The following CYFIP2 variants were observed in gnomAD, a reference collection of about 807,000 sequenced individuals.
The protein encoded by CYFIP2 is cytoplasmic FMR1 interacting protein 2, also known as cytoplasmic FMR1-interacting protein 2.
CYFIP2 carries 29 observed loss-of-function variants against 158.7 expected under a neutral mutation model. That is an observed-to-expected ratio of 0.18 (90% CI 0.14 to 0.25). The LOEUF (loss-of-function observed/expected upper bound fraction) is 0.25. CYFIP2 is among the 10% of genes least tolerant of loss of function. CYFIP2 has a pLI of 1.00. For synonymous variants in CYFIP2, 585 were observed against 617.6 expected, an observed-to-expected ratio of 0.95 and a Z score of 0.78; for missense variants, 852 against 1,639.5, an observed-to-expected ratio of 0.52 and a Z score of 8.29.
chr5:157,353,937 A>T (rs539391671), intron 23 of CYFIP2, among the ~76,000 whole-genome samples: 95 of 152,306 alleles, frequency 6.2e-4, no homozygotes, highest in Non-Finnish European at 1.0e-3. Context: ...TTACCATCTG[A>T]TGAGATAGAG....
intron 9 of CYFIP2, 97 bp downstream of exon 9, chr5:157,307,962 G>T: frequency 1.4e-6 from 1 of 704,472 alleles, no homozygotes; most frequent in Non-Finnish European, 2.5e-6. Context: ...AAACTGTCAG[G>T]TTTTTTTAAT....
chr5:157,296,820 C>T, intron 5 of CYFIP2, 46 bp downstream of exon 5: 1 of 1,490,754 alleles, frequency 6.7e-7, no homozygotes, highest in Non-Finnish European at 9.3e-7. Flanking sequence ...TGAAAAGGCC[C>T]CTAGTTTTCT....
chr5:157,292,391 G>C (rs372921164), intron 3 of CYFIP2, among the ~76,000 whole-genome samples: 4 of 151,994 alleles, frequency 2.6e-5, no homozygotes, highest in Admixed American at 1.3e-4. Flanking sequence ...GGCTAACTTT[G>C]TATTTTTAGT....
intron 23 of CYFIP2, among the ~76,000 whole-genome samples, chr5:157,355,089 A>G (rs13158212): frequency 0.47 from 71,082 of 151,844 alleles, 18,363 homozygotes; most frequent in African/African-American, 0.71. Flanking sequence ...AGTGAGGAGG[A>G]ACTCCACCCA....
At chr5:157,391,811 C>T (rs769924278) in intron 30 of CYFIP2, among the ~76,000 whole-genome samples, 7 of 149,394 alleles carry the variant, frequency 4.7e-5, no homozygotes, top group Non-Finnish European at 8.9e-5. Flanking sequence ...ATTGCTGGAT[C>T]GTATGGTAAT....
chr5:157,287,996 G>A (rs777124753), intron 3 of CYFIP2, among the ~76,000 whole-genome samples: 5 of 152,092 alleles, frequency 3.3e-5, no homozygotes, highest in Admixed American at 3.3e-4. Context: ...GGGAGGCTCA[G>A]GTGGGAGGAT....
In CYFIP2 at chr5:157,294,802, G is replaced by A; in HGVS notation, c.227G>A (p.Gly76Glu). 6.2e-7 allele frequency: 1 copy of A among 1,613,812 alleles called. No individual in the cohort carries two copies. Among genetic ancestry groups the A allele is most frequent in the Non-Finnish European group, 8.5e-7 (1 of 1,179,768 alleles). ...HSSMNEMLEEGHEYAVMLYTW... is the reference protein window; with the variant it reads ...HSSMNEMLEEEHEYAVMLYTW... ...TTTCAGAATGAGATGCTGGAGGAAG[G>A]ACATGAGTATGCGGTCATGCTGTAC... The change falls in exon 4 of 31, where the codon GGA becomes GAA. Residue 76 changes from glycine to glutamate, a missense_variant. Transcript: ENST00000620254.
chr5:157,288,687 C>T, intron 3 of CYFIP2: 1 of 446,708 alleles, frequency 2.2e-6, no homozygotes, highest in Non-Finnish European at 4.5e-6. Flanking sequence ...ATCCATTTTG[C>T]CGATGGGGAA....
At chr5:157,302,645 C>T (rs1581012231) in intron 6 of CYFIP2, 149 bp from the exon 7 acceptor site, 2 of 598,376 alleles carry the variant, frequency 3.3e-6, no homozygotes, top group South Asian at 2.4e-5. Flanking sequence ...CACTCTGTTT[C>T]GACATTAGTG....
At chr5:157,287,197 C>A in intron 3 of CYFIP2, 89 bp downstream of exon 3, 1 of 1,007,780 alleles carries the variant, frequency 9.9e-7, no homozygotes, top group Non-Finnish European at 1.5e-6. Flanking sequence ...GGCATGTGCT[C>A]AGCTACTCTA....
At position 157,311,046 on chromosome 5, in the gene CYFIP2, C is replaced by T. The variant is rs776660935; in HGVS notation, c.993-618C>T. ...CTTTTCACAAGGCGTGGAAAAAAGG[C>T]GGAGGGAAGGAGGAAAGAGGGTGGA... is the stretch of plus-strand genomic sequence containing the variant. On this transcript the variant is annotated intron_variant, in intron 10 of 30. Transcript: ENST00000620254. The surrounding 1 kb of genome is among the most constrained non-coding windows in gnomAD (Gnocchi z 4.7). The T allele has an allele frequency of 1.4e-4, 59 of 433,416 alleles. 1 individual carries two copies. The highest frequency in any genetic ancestry group is 5.1e-4 in the East Asian group (7 of 13,704). The allele number at this position is 433,416 out of a possible 1,614,324, so 26.8% of individuals were successfully genotyped here.
rs575321555 is a variant in CYFIP2, at chr5:157,311,131, C to T, written c.993-533C>T. The T allele has an allele frequency of 2.2e-6, 1 of 453,296 alleles. No homozygotes were observed. The highest frequency in any genetic ancestry group is 1.6e-5 in the South Asian group (1 of 64,232). 28.1% of individuals were successfully genotyped at this position (453,296 alleles called of 1,614,324 possible). On this transcript the variant is annotated intron_variant, in intron 10 of 30. Coordinates refer to ENST00000620254, the MANE Select transcript of CYFIP2 (RefSeq NM_001037333.3). The surrounding 1 kb of genome is among the most constrained non-coding windows in gnomAD (Gnocchi z 4.7). ...GGTGGGTGGAGGGAGGGGCCACCCC[C>T]ACGTCTCAGAGTGGCCCTGGCTTCT...
chr5:157,348,872 A>C (rs1762874247), intron 23 of CYFIP2, among the ~76,000 whole-genome samples: 1 of 151,958 alleles, frequency 6.6e-6, no homozygotes, highest in Non-Finnish European at 1.5e-5. Flanking sequence ...CACAGAGCAT[A>C]AAAGCACCCT....
chr5:157,383,465 G>A (rs954175766), intron 28 of CYFIP2, 106 bp downstream of exon 28: 11 of 1,026,504 alleles, frequency 1.1e-5, no homozygotes, highest in Middle Eastern at 2.1e-4. Context: ...CTCAGAGAAG[G>A]GAAGACAATG....
chr5:157,353,822 T>G (rs952428984), intron 23 of CYFIP2, among the ~76,000 whole-genome samples: 3 of 152,208 alleles, frequency 2.0e-5, no homozygotes, highest in Non-Finnish European at 2.9e-5. Context: ...CCTCTTGGGA[T>G]CTCTGAAAAC....
intron 18 of CYFIP2, among the ~76,000 whole-genome samples, chr5:157,327,560 G>A (rs1761121748): frequency 7.8e-6 from 1 of 127,934 alleles, no homozygotes; most frequent in African/African-American, 3.8e-5. Context: ...GCAAGACTCT[G>A]TCTCAAAAAA....
Position 157,294,413 on chromosome 5 carries a change from T to C in CYFIP2, c.208-370T>C, listed in dbSNP as rs550974425. Among the ~76,000 whole-genome samples the C allele has an allele frequency of 2.0e-5, 3 of 152,358 alleles. No individual in the cohort carries two copies. The South Asian group carries it at 6.2e-4, about 32-fold the overall frequency. On this transcript the variant is annotated intron_variant, in intron 3 of 30. Transcript: ENST00000620254. ...TCATAACTATTTCTGTTTTGTTTTT[T>C]AACCTATCTGCTGTACATACTGTTT... is the stretch of plus-strand genomic sequence containing the variant.
intron 3 of CYFIP2, among the ~76,000 whole-genome samples, chr5:157,288,425 T>C (rs1757563008): frequency 6.6e-6 from 1 of 152,186 alleles, no homozygotes; most frequent in South Asian, 2.1e-4. Flanking sequence ...GTATTGGTTA[T>C]CTCCCGTAAC....
intron 19 of CYFIP2, 151 bp from the exon 20 acceptor site, chr5:157,330,591 G>T: frequency 1.8e-6 from 1 of 562,564 alleles, no homozygotes; most frequent in Non-Finnish European, 3.1e-6. Flanking sequence ...GAAATTTGAC[G>T]TAACTTGTCT....
Sources: allele counts gnomAD v4.1 joint callset (sites outside exome capture counted in the v4.1 genomes callset), GRCh38; gene constraint gnomAD v4.1.1; non-coding constraint Gnocchi (gnomAD v3.1); transcripts MANE v1.5; gene names NCBI Gene and HGNC (gene_info 2026-07-23, HGNC 2026-07-21).